Variants in CCDC141 observed in about 807,000 individuals in gnomAD.
CCDC141 encodes the protein coiled-coil domain containing 141.
CCDC141 carries 168 observed loss-of-function variants against 181.0 expected under a neutral mutation model. The observed-to-expected ratio is 0.93, with a 90% CI of 0.82 to 1.05. CCDC141 has a LOEUF of 1.05. Ranked by LOEUF, CCDC141 falls within the 50% of genes least tolerant of loss-of-function variation. CCDC141 has a pLI of 0.00. For missense variants in CCDC141, 1,902 were observed against 1,788.5 expected (o/e 1.06, Z -1.14); for synonymous variants, 666 against 642.3 (o/e 1.04, Z -0.56).
intron 1 of CCDC141, 78 bp from the exon 2 acceptor site, chr2:179,047,484 T>C (rs2043536607): frequency 1.6e-6 from 2 of 1,246,718 alleles, no homozygotes; most frequent in African/African-American, 1.5e-5. Flanking sequence ...TTTTAATATA[T>C]CGTTTAAATT....
At chr2:178,880,761 G>A (rs989999523) in intron 11 of CCDC141, among the ~76,000 whole-genome samples, 4 of 152,106 alleles carry the variant, frequency 2.6e-5, no homozygotes, top group Non-Finnish European at 5.9e-5. Context: ...GGAATGAAAA[G>A]CACAGTACCT....
intron 7 of CCDC141, among the ~76,000 whole-genome samples, chr2:178,912,840 G>A (rs1688280278): frequency 6.6e-6 from 1 of 152,042 alleles, no homozygotes; most frequent in South Asian, 2.1e-4. Flanking sequence ...AATTATCTTA[G>A]GTTCCCCAAA....
rs375777823 is a variant in CCDC141 at position 178,869,178 on chromosome 2, C to A, written c.2333G>T (p.Arg778Ile). 6.2e-6 allele frequency: 10 copies of A among 1,613,388 alleles called. No homozygotes were observed. In the African/African-American group the frequency reaches 9.3e-5, roughly 15 times the overall value. Reference protein sequence around the residue: ...LIHFHQKQKERIQDYEDILYK... With the variant: ...LIHFHQKQKEIIQDYEDILYK... ...CAGGATATCCTCGTAATCCTGGATTCTCTCTTTCTGTTTTTGATGGAAGTG... is the reference window on the plus strand; with the variant it reads ...CAGGATATCCTCGTAATCCTGGATTATCTCTTTCTGTTTTTGATGGAAGTG... The change falls in exon 15 of 24, where the codon AGA (arginine) becomes ATA (isoleucine). Residue 778 changes from arginine (R) to isoleucine (I), a missense_variant. Coordinates refer to ENST00000443758, the MANE Select transcript of CCDC141 (RefSeq NM_173648.4).
chr2:179,016,708 C>T (rs1371375555), intron 2 of CCDC141, among the ~76,000 whole-genome samples: 2 of 151,974 alleles, frequency 1.3e-5, no homozygotes, highest in Admixed American at 6.6e-5. Flanking sequence ...AAACTTCTTT[C>T]TTTTTTTAAG....
chr2:178,920,279 T>C (rs1373614073), intron 6 of CCDC141, among the ~76,000 whole-genome samples: 2 of 152,210 alleles, frequency 1.3e-5, no homozygotes, highest in Admixed American at 6.5e-5. Flanking sequence ...ATTATTAAGT[T>C]ACATTTGTTA....
chr2:178,995,630 T>C (rs952277027), intron 2 of CCDC141, among the ~76,000 whole-genome samples: 5 of 152,206 alleles, frequency 3.3e-5, no homozygotes, highest in African/African-American at 1.2e-4. Flanking sequence ...TATAGACTGA[T>C]AATTTCAGAG....
intron 7 of CCDC141, among the ~76,000 whole-genome samples, chr2:178,914,151 T>C (rs1436512786): frequency 6.6e-6 from 1 of 152,210 alleles, no homozygotes; most frequent in Non-Finnish European, 1.5e-5. Context: ...AGGATCGAGA[T>C]GAGTTATTCT....
Position 179,047,344 on chromosome 2 carries a change from G to T in CCDC141, c.165C>A (p.Ser55Arg). The change falls in exon 2 of 24, where the codon AGC (serine) becomes AGA (arginine). Residue 55 changes from serine to arginine, a missense_variant. By Grantham distance (110) the Ser-to-Arg change is moderately radical. Coordinates refer to ENST00000443758, the MANE Select transcript of CCDC141 (RefSeq NM_173648.4). ...ESQPNLLEIGSSQDETKKLLH... is the reference protein window; with the variant it reads ...ESQPNLLEIGRSQDETKKLLH... Reference sequence around the variant, plus strand: ...GAAGTTTTTTGGTTTCATCTTGACTGCTGCCAATTTCTAGAAGATTGGGCT... The same window carrying T: ...GAAGTTTTTTGGTTTCATCTTGACTTCTGCCAATTTCTAGAAGATTGGGCT... 4 of 1,542,110 alleles carry T rather than the reference G, an allele frequency of 2.6e-6. No individual in the cohort carries two copies. The highest frequency in any genetic ancestry group is 3.5e-6 in the Non-Finnish European group (4 of 1,144,364).
At chr2:178,959,893 C>T (rs1028021792) in intron 5 of CCDC141, among the ~76,000 whole-genome samples, 1 of 152,150 alleles carries the variant, frequency 6.6e-6, no homozygotes, top group African/African-American at 2.4e-5. Flanking sequence ...AATTCATTAC[C>T]TTATTCGATT....
intron 6 of CCDC141, among the ~76,000 whole-genome samples, chr2:178,929,316 C>G (rs1003765369): frequency 6.6e-6 from 1 of 152,034 alleles, no homozygotes; most frequent in Non-Finnish European, 1.5e-5. Flanking sequence ...AATGAAAGTT[C>G]AAATAGCAGA....
Position 178,978,554 on chromosome 2 carries a change from A to G in CCDC141, c.347T>C (p.Leu116Pro). ...AETLGEAWAA[L>P]VSMLERRTEL... Reference sequence around the variant, plus strand: ...TGTTCTTCTTTCAAGCATGGACACCAGAGCTGCCCATGCTTCACCCAGAGT... The same window carrying G: ...TGTTCTTCTTTCAAGCATGGACACCGGAGCTGCCCATGCTTCACCCAGAGT... The change falls in exon 3 of 24, where the codon CTG (leucine) becomes CCG (proline). Residue 116 changes from leucine (L) to proline (P), a missense_variant. Transcript: ENST00000443758. The G allele has an allele frequency of 1.3e-6, 2 of 1,549,158 alleles. No homozygotes were observed. Among genetic ancestry groups the G allele is most frequent in the East Asian group, 4.9e-5 (2 of 40,780 alleles).
intron 17 of CCDC141, among the ~76,000 whole-genome samples, chr2:178,859,544 G>A (rs997628305): frequency 8.5e-5 from 13 of 152,100 alleles, no homozygotes; most frequent in Admixed American, 2.6e-4. Flanking sequence ...AGTTTACCCT[G>A]TTAGAAATCT....
intron 23 of CCDC141, chr2:178,835,665 G>A (rs988342746): frequency 4.6e-5 from 7 of 152,210 alleles, no homozygotes; most frequent in Admixed American, 2.6e-4. Context: ...TCAACGACAC[G>A]TATGTAGCAG....
intron 2 of CCDC141, among the ~76,000 whole-genome samples, chr2:179,043,599 C>T (rs910975831): frequency 6.6e-6 from 1 of 152,146 alleles, no homozygotes; most frequent in East Asian, 1.9e-4. Context: ...AATAGACACA[C>T]AAAAGGCCTT....
At chr2:178,886,704 T>C in intron 10 of CCDC141, 48 bp downstream of exon 10, 3 of 1,228,268 alleles carry the variant, frequency 2.4e-6, no homozygotes, top group Admixed American at 5.9e-5. Flanking sequence ...ATTTTTAAAA[T>C]TATCTTTACA....
rs932860976 is a variant in CCDC141, at chr2:178,885,083, G to T, written c.1537C>A (p.His513Asn). ...ELDIQAKETS[H>N]ELEAAAKTMM... ...GTTTTTGCAGCTGCTTCTAATTCAT[G>T]TGATGTCTCCTGTAAAAGCAAAGCA... The change falls in exon 11 of 24, where the codon CAT (histidine) becomes AAT (asparagine). Residue 513 changes from histidine (H) to asparagine (N), a missense_variant. Physicochemically the swap from His to Asn is moderately conservative, Grantham distance 68 (BLOSUM62 1). Transcript: ENST00000443758. 4.5e-6 allele frequency: 7 copies of T among 1,548,750 alleles called. No individual in the cohort carries two copies. The highest frequency in any genetic ancestry group is 5.2e-6 in the Non-Finnish European group (6 of 1,145,852).
chr2:178,853,358 C>A, intron 20 of CCDC141, 83 bp downstream of exon 20: 1 of 1,284,816 alleles, frequency 7.8e-7, no homozygotes, highest in Non-Finnish European at 1.1e-6. Flanking sequence ...TGAGGACTTG[C>A]CACACTCTTG....
intron 2 of CCDC141, among the ~76,000 whole-genome samples, chr2:179,015,066 A>ATATATATATTATAT (rs1559048317): frequency 1.1e-4 from 1 of 9,216 alleles, no homozygotes; most frequent in African/African-American, 3.0e-4. Flanking sequence ...AGAGAGACAG[A>ATATATATATTATAT]GATATATATA....
intron 7 of CCDC141, 66 bp downstream of exon 7, chr2:178,918,647 T>G: frequency 7.5e-7 from 1 of 1,327,492 alleles, no homozygotes; most frequent in Non-Finnish European, 1.0e-6. Flanking sequence ...TCCAGTCAGT[T>G]GAAGTAATGG....
Sources: gnomAD v4.1 joint callset for allele counts (sites outside exome capture counted in the v4.1 genomes callset) on GRCh38, gnomAD v4.1.1 for gene constraint, MANE v1.5 for transcripts, NCBI Gene and HGNC (gene_info 2026-07-23, HGNC 2026-07-21) for gene names.